DIS3: variants seen among roughly 807,000 people sequenced by gnomAD.
DIS3 encodes the protein exosome complex exonuclease RRP44.
A neutral mutation model predicts 113.0 loss-of-function variants in DIS3; 103 were observed. That is an observed-to-expected ratio of 0.91 (90% CI 0.78 to 1.07). DIS3 has a LOEUF of 1.07. Among genes scored for constraint, DIS3 ranks in the 50% least tolerant of loss-of-function variants. The pLI is 0.00. For missense variants in DIS3, 1,121 were observed against 1,167.1 expected, an observed-to-expected ratio of 0.96 and a Z score of 0.58; for synonymous variants, 402 against 394.3, an observed-to-expected ratio of 1.02 and a Z score of -0.23.
Position 72,753,666 on chromosome 13 carries a change from T to A in DIS3, c.*6129A>T. 1.3e-6 allele frequency: 2 copies of A among 1,598,366 alleles called. No individual in the cohort carries two copies. The highest frequency in any genetic ancestry group is 1.7e-6 in the Non-Finnish European group (2 of 1,173,250). On this transcript the variant is annotated 3_prime_UTR_variant, in exon 21 of 21. Transcript: ENST00000377767. ...TGACTTTTAAGTTCCTCACAATATA[T>A]TTTTTTCTTTTTTCTCCTGTCAGAT...
At position 72,772,706 on chromosome 13, in the gene DIS3, C is replaced by A; in HGVS notation, c.1373G>T (p.Ser458Ile). The A allele has an allele frequency of 6.2e-7, 1 of 1,611,044 alleles. No homozygotes were observed. The highest frequency in any genetic ancestry group is 8.5e-7 in the Non-Finnish European group (1 of 1,179,238). ...VLSFLPKMPWSITEKDMKNRE... is the reference protein window; with the variant it reads ...VLSFLPKMPWIITEKDMKNRE... Reference sequence around the variant, plus strand: ...CTTTCAACTTACCTTTTCAGTAATGCTCCAGGGCATCTTTGGCAGAAAACT... The same window carrying A: ...CTTTCAACTTACCTTTTCAGTAATGATCCAGGGCATCTTTGGCAGAAAACT... Residue 458 changes from serine to isoleucine, a missense_variant, in exon 9 of 21, where the codon AGC becomes ATC. Physicochemically the swap from Ser to Ile is moderately radical, Grantham distance 142. Transcript: ENST00000377767.
At position 72,773,987 on chromosome 13, in the gene DIS3, T is replaced by A. The variant is rs1385886106; in HGVS notation, c.1060A>T (p.Arg354Ter). ...RVVGIIKRNWRPYCGMLSKSD... is the reference protein window; with the variant it reads ...RVVGIIKRNW ...TTGGAAAGCATGCCACAATATGGTC[T>A]CCAATTCCTTTTTATTATTCCTACA... is the stretch of plus-strand genomic sequence containing the variant. The change falls in exon 7 of 21, where the codon AGA (arginine) becomes TGA (stop). Residue 354 changes from arginine to a stop codon, truncating the protein, a stop_gained. Transcript: ENST00000377767. LOFTEE classifies it high-confidence loss of function. The A allele has an allele frequency of 6.2e-7, 1 of 1,612,970 alleles. No individual in the cohort carries two copies. Among genetic ancestry groups the A allele is most frequent in the Non-Finnish European group, 8.5e-7 (1 of 1,179,758 alleles).
At chr13:72,768,549 CAGG>C (rs1370676121) in intron 14 of DIS3, among the ~76,000 whole-genome samples, 1 of 152,136 alleles carries the variant, frequency 6.6e-6, no homozygotes, top group Non-Finnish European at 1.5e-5. Context: ...ACTTGAACGA[CAGG>C]AGAATTGTTC....
In DIS3 at chr13:72,763,507, G is replaced by A; in HGVS notation, c.2071C>T (p.His691Tyr). 1 of 1,613,986 alleles carries A rather than the reference G, an allele frequency of 6.2e-7. No individual in the cohort carries two copies. Among genetic ancestry groups the A allele is most frequent in the Non-Finnish European group, 8.5e-7 (1 of 1,179,974 alleles). The part of the protein sequence containing the change: ...EFSEHALLRK[H>Y]PAPPPSNYEI... ...TAATTTGATGGAGGTGGAGCAGGATGTTTTCGAAGCAGAGCATGTTCAGAA... is the reference window on the plus strand; with the variant it reads ...TAATTTGATGGAGGTGGAGCAGGATATTTTCGAAGCAGAGCATGTTCAGAA... Residue 691 changes from histidine to tyrosine, a missense_variant, in exon 16 of 21, where the codon CAT becomes TAT. By Grantham distance (83) the His-to-Tyr change is moderately conservative. Around this residue, in one of 3 missense-constraint regions of DIS3, gnomAD observed 861 missense variants for 915.5 expected, o/e 0.94. Transcript: ENST00000377767.
In DIS3 at chr13:72,754,808, C is replaced by T. The variant is rs2033401341; in HGVS notation, c.*4987G>A. 5.3e-6 allele frequency: 1 copy of T among 188,534 alleles called. No individual in the cohort carries two copies. Among genetic ancestry groups the T allele is most frequent in the Admixed American group, 6.1e-5 (1 of 16,460 alleles). The allele number at this position is 188,534 out of a possible 1,614,324, so 11.7% of individuals were successfully genotyped here. ...ACAGCTCACTGTAGCCTTCACCTCC[C>T]AGACTCAAGCAGTCTTACCACCTCA... On this transcript the variant is annotated 3_prime_UTR_variant, in exon 21 of 21. Coordinates refer to ENST00000377767, the MANE Select transcript of DIS3 (RefSeq NM_014953.5).
Position 72,773,727 on chromosome 13 carries a change from A to G in DIS3, c.1196T>C (p.Ile399Thr). Residue 399 changes from isoleucine (I) to threonine (T), a missense_variant, in exon 8 of 21, where the codon ATT (isoleucine) becomes ACT (threonine). By Grantham distance (89) the Ile-to-Thr change is moderately conservative. Around this residue, in one of 3 missense-constraint regions of DIS3, gnomAD observed 861 missense variants for 915.5 expected, o/e 0.94. Transcript: ENST00000377767. ...QASTLEGRRIIVAIDGWPRNS... is the reference protein window; with the variant it reads ...QASTLEGRRITVAIDGWPRNS... ...TCTGGGCCAACCATCAATAGCAACAATAATTCTCCGTCCTTCTAATGTGGA... is the reference window on the plus strand; with the variant it reads ...TCTGGGCCAACCATCAATAGCAACAGTAATTCTCCGTCCTTCTAATGTGGA... The G allele has an allele frequency of 6.2e-7, 1 of 1,613,602 alleles. No individual in the cohort carries two copies. Among genetic ancestry groups the G allele is most frequent in the Non-Finnish European group, 8.5e-7 (1 of 1,179,890 alleles).
In DIS3 at chr13:72,781,872, T is replaced by G; in HGVS notation, c.-40A>C. On this transcript the variant is annotated 5_prime_UTR_variant, in exon 1 of 21. Coordinates refer to ENST00000377767, the MANE Select transcript of DIS3 (RefSeq NM_014953.5). The stretch of plus-strand genomic sequence containing the variant: ...CAGAATCCTAACCCCAGCAGCGCTC[T>G]TCCAGCAAAAGGCGTCAATCTAGAA... 1 of 1,489,522 alleles carries G rather than the reference T, an allele frequency of 6.7e-7. No individual in the cohort carries two copies. Among genetic ancestry groups the G allele is most frequent in the South Asian group, 1.3e-5 (1 of 77,742 alleles). The allele number at this position is 1,489,522 out of a possible 1,614,324, so 92.3% of individuals were successfully genotyped here.
In DIS3 at chr13:72,762,108, C is replaced by A; in HGVS notation, c.2157G>T (p.Lys719Asn). Reference sequence around the variant, plus strand: ...CCTGATCCAAAGACTCAGCCAAAGACTTGGCTGTATCAGTCTTAATTTCCA... The same window carrying A: ...CCTGATCCAAAGACTCAGCCAAAGAATTGGCTGTATCAGTCTTAATTTCCA... ...RNLEIKTDTA[K>N]SLAESLDQAE... is the part of the protein sequence containing the mutation. Residue 719 changes from lysine to asparagine, a missense_variant, in exon 17 of 21, where the codon AAG becomes AAT. This residue lies in a region of DIS3 where 861 missense variants were observed against 915.5 expected (regional missense o/e 0.94). Coordinates refer to ENST00000377767, the MANE Select transcript of DIS3 (RefSeq NM_014953.5). The A allele has an allele frequency of 1.2e-6, 2 of 1,613,956 alleles. No homozygotes were observed. The highest frequency in any genetic ancestry group is 1.7e-6 in the Non-Finnish European group (2 of 1,180,014).
chr13:72,775,217 TTCTG>T lies in DIS3; in HGVS notation c.977_980del (p.Thr326AsnfsTer8). On this transcript the variant is annotated frameshift_variant, in exon 6 of 21. Coordinates refer to ENST00000377767, the MANE Select transcript of DIS3 (RefSeq NM_014953.5). LOFTEE classifies it high-confidence loss of function. ...ATCCTGCTTAGATTCATACCATTCG[TTCTG>T]TCTCTTCTTCTTTCTCCACATCTTC... 1 of 1,612,068 alleles carries T rather than the reference TTCTG, an allele frequency of 6.2e-7. No homozygotes were observed. The highest frequency in any genetic ancestry group is 8.5e-7 in the Non-Finnish European group (1 of 1,179,114).
chr13:72,779,770 TG>T (rs1165546257), intron 2 of DIS3, among the ~76,000 whole-genome samples: 13 of 72,006 alleles, frequency 1.8e-4, no homozygotes, highest in Non-Finnish European at 2.5e-4. Context: ...GTGGTGGTGG[TG>T]GGGGGGGTAA....
chr13:72,781,577 G>A (rs778968765), intron 1 of DIS3, 28 bp downstream of exon 1: 154 of 1,482,990 alleles, frequency 1.0e-4, no homozygotes, highest in Middle Eastern at 4.9e-4. Flanking sequence ...GTGGGGCCGC[G>A]CTGTCCGCGG....
Position 72,759,354 on chromosome 13 carries a change from C to A in DIS3, c.*441G>T. ...ATGGCAAAGGAGATTACATCCTCAA[C>A]ACTGACAGCTTCCAAGACTTAGAAA... On this transcript the variant is annotated 3_prime_UTR_variant, in exon 21 of 21. Coordinates refer to ENST00000377767, the MANE Select transcript of DIS3 (RefSeq NM_014953.5). 1 of 214,666 alleles carries A rather than the reference C, an allele frequency of 4.7e-6. No homozygotes were observed. The highest frequency in any genetic ancestry group is 9.4e-6 in the Non-Finnish European group (1 of 106,480). The allele number at this position is 214,666 out of a possible 1,614,324, so 13.3% of individuals were successfully genotyped here. A position where few individuals can be genotyped will look rare whatever the true frequency, so the allele number is the denominator to read the frequency against.
At chr13:72,776,227 GT>G (rs2034015667) in intron 4 of DIS3, 135 bp from the exon 5 acceptor site, 1 of 835,172 alleles carries the variant, frequency 1.2e-6, no homozygotes, top group Non-Finnish European at 1.7e-6. Context: ...GAAGATAGCA[GT>G]GTTTCTTATA....
At chr13:72,761,002 A>C (rs2033609387) in intron 19 of DIS3, among the ~76,000 whole-genome samples, 1 of 152,150 alleles carries the variant, frequency 6.6e-6, no homozygotes, top group South Asian at 2.1e-4. Context: ...GGTTCTCCTA[A>C]GGAGAATAGG....
rs201719231 is a variant in DIS3, at chr13:72,771,848, C to T, written c.1552G>A (p.Ala518Thr). 184 of 1,613,660 alleles carry T rather than the reference C, an allele frequency of 1.1e-4. No homozygotes were observed. The highest frequency in any genetic ancestry group is 1.5e-4 in the Non-Finnish European group (180 of 1,179,874). Residue 518 changes from alanine (A) to threonine (T), a missense_variant, in exon 11 of 21, where the codon GCC (alanine) becomes ACC (threonine). This residue lies in a region of DIS3 where 861 missense variants were observed against 915.5 expected (regional missense o/e 0.94). Coordinates refer to ENST00000377767, the MANE Select transcript of DIS3 (RefSeq NM_014953.5). ...DVSHFIRPGNALDQESARRGT... is the reference protein window; with the variant it reads ...DVSHFIRPGNTLDQESARRGT... Reference sequence around the variant, plus strand: ...CTTCTGGCTGATTCTTGATCCAAGGCATTTCCTGGCCTAATAAAATGGCTC... The same window carrying T: ...CTTCTGGCTGATTCTTGATCCAAGGTATTTCCTGGCCTAATAAAATGGCTC...
chr13:72,772,882 A>C, intron 8 of DIS3, 43 bp from the exon 9 acceptor site: 1 of 1,534,380 alleles, frequency 6.5e-7, no homozygotes, highest in South Asian at 1.3e-5. Context: ...TTTTATAGCA[A>C]ATTTACATCT....
intron 6 of DIS3, 96 bp downstream of exon 6, chr13:72,775,115 C>A: frequency 7.6e-7 from 1 of 1,311,854 alleles, no homozygotes; most frequent in Non-Finnish European, 1.0e-6. Flanking sequence ...TGATTTTATG[C>A]AATAAATCTG....
rs752387466 is a variant in DIS3, at chr13:72,761,800, A to AT, written c.2356dup (p.Ile786AsnfsTer13). 3.1e-6 allele frequency: 5 copies of AT among 1,613,140 alleles called. No homozygotes were observed. The highest frequency in any genetic ancestry group is 3.4e-6 in the Non-Finnish European group (4 of 1,179,798). On this transcript the variant is annotated frameshift_variant, in exon 18 of 21. Coordinates refer to ENST00000377767, the MANE Select transcript of DIS3 (RefSeq NM_014953.5). LOFTEE classifies it high-confidence loss of function. ...AGCCACAGCCAAAAGCCGATGAACAATGACATCTGCGTATCTAGATAGATG... is the reference window on the plus strand; with the variant it reads ...AGCCACAGCCAAAAGCCGATGAACAATTGACATCTGCGTATCTAGATAGATG...
At chr13:72,766,678 G>T (rs2033757956) in intron 14 of DIS3, among the ~76,000 whole-genome samples, 1 of 152,094 alleles carries the variant, frequency 6.6e-6, no homozygotes, top group South Asian at 2.1e-4. Flanking sequence ...TAATGAGCTG[G>T]CAAGTTCCCC....
Sources: gnomAD v4.1 joint callset for allele counts (sites outside exome capture counted in the v4.1 genomes callset) on GRCh38, gnomAD v4.1.1 for gene constraint, gnomAD v4.1.1 regional missense constraint, MANE v1.5 for transcripts, NCBI Gene and HGNC (gene_info 2026-07-23, HGNC 2026-07-21) for gene names.